Variants in SRGAP2C observed in about 807,000 individuals in gnomAD.
The protein encoded by SRGAP2C is SLIT-ROBO Rho GTPase-activating protein 2C.
SRGAP2C carries 15 observed loss-of-function variants against 25.1 expected under a neutral mutation model. That is an observed-to-expected ratio of 0.60 (90% confidence interval 0.40 to 0.92). SRGAP2C has a LOEUF of 0.92. Among genes scored for constraint, SRGAP2C ranks in the 40% least tolerant of loss-of-function variants. The probability of loss-of-function intolerance (pLI) is 0.00; values close to 1 mark genes in which losing one functional copy is unlikely to be tolerated. For synonymous variants in SRGAP2C, 44 were observed against 96.6 expected, an observed-to-expected ratio of 0.46 and a Z score of 3.19; for missense variants, 144 against 264.4, an observed-to-expected ratio of 0.54 and a Z score of 3.16.
chr1:121,231,597 A>G (rs1234008048), intron 2 of SRGAP2C, among the ~76,000 whole-genome samples: 3 of 151,440 alleles, frequency 2.0e-5, no homozygotes, highest in African/African-American at 7.3e-5. Flanking sequence ...CGTTATTAGT[A>G]CCACTCTTTA....
intron 2 of SRGAP2C, 86 bp from the exon 3 acceptor site, chr1:121,284,717 G>C (rs1657320925): frequency 4.9e-6 from 2 of 411,872 alleles, no homozygotes; most frequent in Non-Finnish European, 4.1e-6. Context: ...CGGGGAATAA[G>C]TAAGTGGAAG....
intron 4 of SRGAP2C, among the ~76,000 whole-genome samples, chr1:121,347,713 G>A (rs1553344298): frequency 6.6e-6 from 1 of 152,216 alleles, no homozygotes; most frequent in Non-Finnish European, 1.5e-5. Context: ...CAAGGGCTGT[G>A]GAGAGAAAGG....
At chr1:121,362,625 G>A (rs1570809860) in intron 4 of SRGAP2C, 2 of 152,210 alleles carry the variant, frequency 1.3e-5, no homozygotes, top group African/African-American at 2.4e-5. Flanking sequence ...GTTAAGAAAC[G>A]ATAGGCTGGC....
At position 121,238,650 on chromosome 1, in the gene SRGAP2C, G is replaced by C. The variant is rs1656016240; in HGVS notation, c.68-46153G>C. On this transcript the variant is annotated intron_variant, in intron 2 of 9. Transcript: ENST00000367123. ...CTTTTATGAGACAGAGTCTTGCTCT[G>C]TCACCCAGGCTTGAGTGCAGTAGTG... Among the ~76,000 whole-genome samples, 3 of 151,394 alleles carry C rather than the reference G, an allele frequency of 2.0e-5. No individual in the cohort carries two copies. The South Asian group carries it at 6.3e-4, about 32-fold the overall frequency.
chr1:121,216,128 G>T (rs1293523732), intron 2 of SRGAP2C, among the ~76,000 whole-genome samples: 1 of 152,196 alleles, frequency 6.6e-6, no homozygotes, highest in Non-Finnish European at 1.5e-5. Flanking sequence ...ATGTCACAGT[G>T]CTGCATGGCT....
At chr1:121,191,936 G>T (rs1258590365) in intron 2 of SRGAP2C, among the ~76,000 whole-genome samples, 3 of 144,952 alleles carry the variant, frequency 2.1e-5, no homozygotes, top group Non-Finnish European at 4.5e-5. Context: ...AGAACAGTGT[G>T]TGTGCACCAC....
chr1:121,387,941 C>T lies in SRGAP2C; in HGVS notation c.*86C>T. 1 of 778,994 alleles carries T rather than the reference C, an allele frequency of 1.3e-6. No individual in the cohort carries two copies. Among genetic ancestry groups the T allele is most frequent in the South Asian group, 1.3e-5 (1 of 74,264 alleles). 48.3% of individuals were successfully genotyped at this position (778,994 alleles called of 1,614,324 possible). ...TGTCTGAAGGACAGGCATTGAATAT[C>T]TTAGATACGAATGTGGGCATACTCA... is the stretch of plus-strand genomic sequence containing the variant. On this transcript the variant is annotated 3_prime_UTR_variant, in exon 10 of 10. Transcript: ENST00000367123.
rs1393098278 is a variant in SRGAP2C, at chr1:121,392,067, G to T, written c.*4212G>T. ...ATAAAAATTTAAAAATCACCAGAGG[G>T]ATTTAAGAGTATATTTGCACACACA... is the stretch of plus-strand genomic sequence containing the variant. On this transcript the variant is annotated 3_prime_UTR_variant, in exon 10 of 10. Coordinates refer to ENST00000367123, the MANE Select transcript of SRGAP2C (RefSeq NM_001329984.2). 6.6e-6 allele frequency: 1 copy of T among 152,074 alleles called. No individual in the cohort carries two copies. The highest frequency in any genetic ancestry group is 1.9e-4 in the East Asian group (1 of 5,200). The allele number at this position is 152,074 out of a possible 1,614,324, so 9.4% of individuals were successfully genotyped here.
chr1:121,285,135 C>T (rs1181344918), intron 3 of SRGAP2C, 140 bp downstream of exon 3: 1 of 487,286 alleles, frequency 2.1e-6, no homozygotes, highest in Non-Finnish European at 3.6e-6. Flanking sequence ...AAGGACTTCT[C>T]ATTTTCCAGA....
chr1:121,279,894 G>A (rs1657202854), intron 2 of SRGAP2C, among the ~76,000 whole-genome samples: 1 of 145,114 alleles, frequency 6.9e-6, no homozygotes, highest in Non-Finnish European at 1.5e-5. Flanking sequence ...CATACACACG[G>A]GGAAATGGAA....
chr1:121,236,359 G>A, intron 2 of SRGAP2C, among the ~76,000 whole-genome samples: 1 of 150,820 alleles, frequency 6.6e-6, no homozygotes, highest in East Asian at 2.0e-4. Context: ...AGTCTTTATG[G>A]TTTTGAAACT....
At chr1:121,285,404 T>TCTCTCACACACACACACA (rs1553336851) in intron 3 of SRGAP2C, among the ~76,000 whole-genome samples, 2 of 124,558 alleles carry the variant, frequency 1.6e-5, no homozygotes, top group African/African-American at 5.9e-5. Context: ...TCTCTCTCTC[T>TCTCTCACACACACACACA]CACACACACA....
At chr1:121,371,056 A>G (rs1376894101) in intron 5 of SRGAP2C, among the ~76,000 whole-genome samples, 1 of 152,098 alleles carries the variant, frequency 6.6e-6, no homozygotes, top group Non-Finnish European at 1.5e-5. Context: ...TTCAAAGTAA[A>G]GTGGAATATT....
chr1:121,287,678 T>A (rs1657400556), intron 3 of SRGAP2C, among the ~76,000 whole-genome samples: 1 of 152,246 alleles, frequency 6.6e-6, no homozygotes, highest in African/African-American at 2.4e-5. Flanking sequence ...CTCACTGACT[T>A]CAAGAATGAG....
At chr1:121,362,326 C>T (rs1335093387) in intron 4 of SRGAP2C, 3 of 145,602 alleles carry the variant, frequency 2.1e-5, no homozygotes, top group Non-Finnish European at 4.5e-5. Flanking sequence ...GGGCTCGCTA[C>T]ACATGTATTC....
intron 5 of SRGAP2C, among the ~76,000 whole-genome samples, chr1:121,372,371 C>T (rs1371287191): frequency 6.6e-6 from 1 of 151,394 alleles, no homozygotes; most frequent in Non-Finnish European, 1.5e-5. Flanking sequence ...CAGCAGCATC[C>T]CTGACCTCTA....
chr1:121,286,735 C>T (rs1390448135), intron 3 of SRGAP2C, among the ~76,000 whole-genome samples: 700 of 151,856 alleles, frequency 4.6e-3, no homozygotes, highest in African/African-American at 0.016. Context: ...AAGGTGCACG[C>T]TTTTTGGCTT....
intron 2 of SRGAP2C, among the ~76,000 whole-genome samples, chr1:121,277,221 A>T (rs1657126257): frequency 1.4e-5 from 2 of 145,582 alleles, no homozygotes; most frequent in Non-Finnish European, 3.0e-5. Flanking sequence ...ATTATGTAAT[A>T]TGAATTGTTA....
intron 4 of SRGAP2C, among the ~76,000 whole-genome samples, chr1:121,347,152 G>A (rs1480672237): frequency 5.3e-5 from 6 of 112,538 alleles, no homozygotes; most frequent in African/African-American, 1.0e-4. Context: ...ATTCCCTACC[G>A]CAGTTTTGAC....
Sources: gnomAD v4.1 joint callset for allele counts (sites outside exome capture counted in the v4.1 genomes callset) on GRCh38, gnomAD v4.1.1 for gene constraint, MANE v1.5 for transcripts, NCBI Gene and HGNC (gene_info 2026-07-23, HGNC 2026-07-21) for gene names.